SSH2: variants seen among roughly 807,000 people sequenced by gnomAD.
The protein encoded by SSH2 is slingshot protein phosphatase 2.
A neutral mutation model predicts 135.2 loss-of-function variants in SSH2; 37 were observed. The ratio of observed to expected loss-of-function variants is 0.27; its 90% CI spans 0.21 to 0.36. SSH2 has a LOEUF of 0.36. Among genes scored for constraint, SSH2 ranks in the 10% least tolerant of loss-of-function variants. The pLI is 1.00. For synonymous variants in SSH2, 628 were observed against 646.2 expected (o/e 0.97, Z 0.43); for missense variants, 1,408 against 1,765.3 (o/e 0.80, Z 3.63).
chr17:29,629,701 C>T lies in SSH2; in HGVS notation c.*1140G>A, dbSNP rs2035594902. On this transcript the variant is annotated 3_prime_UTR_variant, in exon 16 of 16. Coordinates refer to ENST00000540801, the MANE Select transcript of SSH2 (RefSeq NM_001282129.2). ...AACTTTAGAGAAATGACAAACCTTC[C>T]AGGAAAAGGAAAAAAAAGTGTTAAC... 6.6e-6 allele frequency: 1 copy of T among 151,916 alleles called. No homozygotes were observed. The highest frequency in any genetic ancestry group is 2.4e-5 in the African/African-American group (1 of 40,978). The allele number at this position is 151,916 out of a possible 1,614,324, so 9.4% of individuals were successfully genotyped here.
At chr17:29,787,361 T>C (rs2041986734) in intron 3 of SSH2, 1 of 152,246 alleles carries the variant, frequency 6.6e-6, no homozygotes, top group Non-Finnish European at 1.5e-5. Flanking sequence ...CCTCATTTTG[T>C]TTATCCATTC....
chr17:29,906,980 A>C (rs2066665190), intron 1 of SSH2, among the ~76,000 whole-genome samples: 1 of 152,226 alleles, frequency 6.6e-6, no homozygotes. Flanking sequence ...TAGAGGCAGA[A>C]ATAAAATTTA....
chr17:29,704,117 A>C (rs2039103103), intron 3 of SSH2, among the ~76,000 whole-genome samples: 1 of 152,222 alleles, frequency 6.6e-6, no homozygotes, highest in Non-Finnish European at 1.5e-5. Context: ...TAGTTATTAT[A>C]AGTAGATTAG....
chr17:29,898,120 T>A (rs2066477922), intron 1 of SSH2, among the ~76,000 whole-genome samples: 1 of 151,970 alleles, frequency 6.6e-6, no homozygotes, highest in African/African-American at 2.4e-5. Flanking sequence ...CTGGGACATA[T>A]TTAAAGCAGT....
intron 4 of SSH2, among the ~76,000 whole-genome samples, chr17:29,701,393 C>T (rs1440059331): frequency 2.0e-5 from 3 of 147,884 alleles, no homozygotes; most frequent in Admixed American, 6.8e-5. Context: ...AGGCGCGAGC[C>T]GTGCCTGGCT....
intron 9 of SSH2, among the ~76,000 whole-genome samples, chr17:29,671,497 A>T (rs2037492968): frequency 6.6e-6 from 1 of 152,100 alleles, no homozygotes; most frequent in Non-Finnish European, 1.5e-5. Flanking sequence ...AAAAAAAATT[A>T]GCTTATTAGT....
intron 6 of SSH2, among the ~76,000 whole-genome samples, chr17:29,683,626 T>C (rs986423989): frequency 1.3e-5 from 2 of 152,148 alleles, no homozygotes; most frequent in African/African-American, 4.8e-5. Flanking sequence ...AAGTGAATCA[T>C]TACTGACTAC....
At chr17:29,757,066 TAC>T (rs1389951633) in intron 3 of SSH2, among the ~76,000 whole-genome samples, 1 of 152,196 alleles carries the variant, frequency 6.6e-6, no homozygotes, top group Admixed American at 6.5e-5. Flanking sequence ...GGGCTAAGTG[TAC>T]TCATGTATCA....
intron 1 of SSH2, among the ~76,000 whole-genome samples, chr17:29,913,730 G>A (rs2066829339): frequency 6.6e-6 from 1 of 151,646 alleles, no homozygotes. Context: ...TGCCTCCTGG[G>A]TTCAAGTGAT....
At chr17:29,909,556 A>G (rs557534462) in intron 1 of SSH2, among the ~76,000 whole-genome samples, 1 of 152,394 alleles carries the variant, frequency 6.6e-6, no homozygotes, top group South Asian at 2.1e-4. Context: ...CTCAGACGTT[A>G]TAAATGCCAT....
In SSH2 at chr17:29,672,120, T is replaced by C. The variant is rs752676524; in HGVS notation, c.624A>G (p.Leu208=). 9 of 1,613,558 alleles carry C rather than the reference T, an allele frequency of 5.6e-6. No individual in the cohort carries two copies. In the African/African-American group the frequency reaches 9.3e-5, roughly 17 times the overall value. The change falls in exon 9 of 16, where the codon CTA becomes CTG. Residue 208 remains leucine (L), a synonymous_variant. Coordinates refer to ENST00000540801, the MANE Select transcript of SSH2 (RefSeq NM_001282129.2). Reference sequence around the variant, plus strand: ...CTTCACAAGCCTTGTGTAAGCTCTGTAGTGCAGACCTGAAAGACATGCTGG... The same window carrying C: ...CTTCACAAGCCTTGTGTAAGCTCTGCAGTGCAGACCTGAAAGACATGCTGG... ...PVSVQAMWSA[L]QSLHKACEVA...
At chr17:29,691,739 C>T (rs2151095384) in intron 5 of SSH2, among the ~76,000 whole-genome samples, 2 of 152,080 alleles carry the variant, frequency 1.3e-5, no homozygotes, top group East Asian at 3.9e-4. Flanking sequence ...ATCCACCCGC[C>T]TCGGCCTCCC....
chr17:29,783,597 A>G (rs1598992149), intron 3 of SSH2, among the ~76,000 whole-genome samples: 1 of 152,138 alleles, frequency 6.6e-6, no homozygotes, highest in Middle Eastern at 3.4e-3. Flanking sequence ...CACCAGATTA[A>G]CTGTGCATCT....
intron 3 of SSH2, among the ~76,000 whole-genome samples, chr17:29,719,872 T>G (rs62068606): frequency 6.6e-6 from 1 of 152,226 alleles, no homozygotes; most frequent in Non-Finnish European, 1.5e-5. Flanking sequence ...TTCTCCTGCC[T>G]CAGCCTCCCA....
intron 2 of SSH2, among the ~76,000 whole-genome samples, chr17:29,805,581 C>T (rs981385653): frequency 2.6e-4 from 39 of 152,100 alleles, no homozygotes; most frequent in Admixed American, 7.2e-4. Context: ...GTAGCCAAGG[C>T]GGATGTGTTT....
intron 10 of SSH2, 59 bp downstream of exon 10, chr17:29,667,071 C>T (rs1598753795): frequency 6.2e-7 from 1 of 1,606,828 alleles, no homozygotes; most frequent in East Asian, 2.2e-5. Flanking sequence ...TTTCCAGCCC[C>T]ACACCTACTG....
intron 11 of SSH2, among the ~76,000 whole-genome samples, chr17:29,656,772 T>C (rs1284562166): frequency 6.6e-6 from 1 of 152,224 alleles, no homozygotes; most frequent in African/African-American, 2.4e-5. Context: ...TTGTGCACCA[T>C]GACACTTTAT....
chr17:29,892,481 A>G (rs2066368543), intron 1 of SSH2, among the ~76,000 whole-genome samples: 1 of 152,160 alleles, frequency 6.6e-6, no homozygotes, highest in Non-Finnish European at 1.5e-5. Context: ...GCACAATGAC[A>G]GTAGGGAATG....
intron 6 of SSH2, among the ~76,000 whole-genome samples, chr17:29,683,455 G>A (rs1002160876): frequency 7.2e-6 from 1 of 138,588 alleles, no homozygotes; most frequent in Non-Finnish European, 1.6e-5. Flanking sequence ...CCCCATCCCC[G>A]CCCCGCCCAC....
Sources: gnomAD v4.1 joint callset for allele counts (sites outside exome capture counted in the v4.1 genomes callset) on GRCh38, gnomAD v4.1.1 for gene constraint, MANE v1.5 for transcripts, NCBI Gene and HGNC (gene_info 2026-07-23, HGNC 2026-07-21) for gene names.